Variants in TBC1D25 observed in about 807,000 individuals in gnomAD.
TBC1D25 encodes 5SN3 snoRNA.
TBC1D25 carries 13 observed loss-of-function variants against 38.8 expected under a neutral mutation model. The ratio of observed to expected loss-of-function variants is 0.34; its 90% confidence interval spans 0.22 to 0.53. TBC1D25 has a LOEUF of 0.53. Among genes scored for constraint, TBC1D25 ranks in the 20% least tolerant of loss-of-function variants. The pLI is 0.94. For missense variants in TBC1D25, 372 were observed against 600.0 expected (o/e 0.62, Z 3.97); for synonymous variants, 225 against 255.6 (o/e 0.88, Z 1.14).
intron 2 of TBC1D25, among the ~76,000 whole-genome samples, chrX:48,543,025 A>G (rs1356737894): frequency 9.0e-6 from 1 of 111,250 alleles, no homozygotes; most frequent in Admixed American, 9.7e-5. Context: ...TACTGTGCCT[A>G]ATTTATCAAT....
At chrX:48,559,431 G>A in intron 5 of TBC1D25, 85 bp downstream of exon 5, 1 of 1,106,842 alleles carries the variant, frequency 9.0e-7, no homozygotes, top group African/African-American at 1.8e-5. Flanking sequence ...CCACACTGCT[G>A]TGGGCAAGGG....
intron 1 of TBC1D25, 144 bp downstream of exon 1, chrX:48,540,064 G>A (rs1556979829): frequency 3.7e-6 from 3 of 814,388 alleles, no homozygotes; most frequent in Non-Finnish European, 4.7e-6. Context: ...TGATGGCGAG[G>A]GGTAGGGAGG....
chrX:48,552,792 A>G (rs1295955903), intron 3 of TBC1D25, among the ~76,000 whole-genome samples: 1 of 104,142 alleles, frequency 9.6e-6, no homozygotes, highest in East Asian at 3.0e-4. Context: ...TGCTTAGACA[A>G]CTTTTTTTTT....
At chrX:48,540,299 A>C (rs781848974) in intron 1 of TBC1D25, among the ~76,000 whole-genome samples, 38 of 111,887 alleles carry the variant, frequency 3.4e-4, no homozygotes, top group African/African-American at 1.2e-3. Flanking sequence ...CTTATGTGCA[A>C]GTTCCCACTT....
chrX:48,547,169 C>T (rs2061893131), intron 3 of TBC1D25, among the ~76,000 whole-genome samples: 1 of 112,056 alleles, frequency 8.9e-6, no homozygotes, highest in Non-Finnish European at 1.9e-5. Flanking sequence ...TGACAGGACT[C>T]GTCCCAGTTA....
At chrX:48,540,080 A>G (rs2061826701) in intron 1 of TBC1D25, 160 bp downstream of exon 1, 3 of 740,438 alleles carry the variant, frequency 4.1e-6, no homozygotes, top group Non-Finnish European at 5.2e-6. Flanking sequence ...GGAGGGCCTG[A>G]GAGCCTGAGA....
intron 3 of TBC1D25, among the ~76,000 whole-genome samples, chrX:48,550,807 T>C (rs1255651057): frequency 9.0e-6 from 1 of 110,616 alleles, no homozygotes; most frequent in Non-Finnish European, 1.9e-5. Flanking sequence ...CCACAGGCGC[T>C]CGCCACCACG....
At chrX:48,547,735 G>C (rs1351504194) in intron 3 of TBC1D25, among the ~76,000 whole-genome samples, 1 of 111,298 alleles carries the variant, frequency 9.0e-6, no homozygotes, top group Non-Finnish European at 1.9e-5. Context: ...TCAGGAGTTC[G>C]AGACCAGCCT....
At position 48,552,668 on chromosome X, in the gene TBC1D25, A is replaced by T. The variant is rs2061944703; in HGVS notation, c.389-6229A>T. On this transcript the variant is annotated intron_variant, in intron 3 of 5. Transcript: ENST00000376771. The stretch of plus-strand genomic sequence containing the variant: ...ACCCCGCCCCAACAGTGAAATCTTT[A>T]GGCCACTTTTTCTCCTTTAATCTCT... Among the ~76,000 whole-genome samples, 3 of 110,696 alleles carry T rather than the reference A, an allele frequency of 2.7e-5. No homozygotes were observed. In the South Asian group the frequency reaches 1.1e-3, roughly 41 times the overall value.
intron 3 of TBC1D25, among the ~76,000 whole-genome samples, chrX:48,555,241 T>C (rs1556984227): frequency 9.0e-6 from 1 of 111,213 alleles, no homozygotes; most frequent in Non-Finnish European, 1.9e-5. Flanking sequence ...AGAGTGGATC[T>C]TGGGCTCCTC....
chrX:48,556,764 A>C (rs1225610334), intron 3 of TBC1D25, among the ~76,000 whole-genome samples: 1 of 107,208 alleles, frequency 9.3e-6, no homozygotes, highest in African/African-American at 3.4e-5. Context: ...AAAAAAAAAA[A>C]AAAAGCCAGC....
intron 1 of TBC1D25, among the ~76,000 whole-genome samples, chrX:48,541,035 A>C (rs2061834602): frequency 1.8e-5 from 2 of 112,334 alleles, no homozygotes; most frequent in African/African-American, 6.5e-5. Flanking sequence ...AAGAGATTGA[A>C]GCAGGGGAGT....
chrX:48,556,420 C>T (rs2061975433), intron 3 of TBC1D25, among the ~76,000 whole-genome samples: 1 of 111,522 alleles, frequency 9.0e-6, no homozygotes, highest in African/African-American at 3.3e-5. Context: ...GCATCTCAAA[C>T]CAGAACAATT....
chrX:48,559,302 C>T lies in TBC1D25; in HGVS notation c.661C>T (p.Arg221Cys). The change falls in exon 5 of 6, where the codon CGC becomes TGC. Residue 221 changes from arginine (R) to cysteine (C), a missense_variant. Physicochemically the swap from Arg to Cys is radical, Grantham distance 180. Around this residue, in one of 2 missense-constraint regions of TBC1D25, gnomAD observed 312 missense variants for 549.3 expected, o/e 0.57. Coordinates refer to ENST00000376771, the MANE Select transcript of TBC1D25 (RefSeq NM_002536.4). ...CCAGCTCTCCCGACCCGAGGAGTTG[C>T]GCCTGCGGATCTATCATGGCGGTGT... ...EGQLSRPEEL[R>C]LRIYHGGVEP... 8.3e-7 allele frequency: 1 copy of T among 1,210,749 alleles called. No individual in the cohort carries two copies. The highest frequency in any genetic ancestry group is 1.1e-6 in the Non-Finnish European group (1 of 895,074).
intron 3 of TBC1D25, among the ~76,000 whole-genome samples, chrX:48,545,299 G>C (rs1291236048): frequency 8.9e-6 from 1 of 112,329 alleles, no homozygotes; most frequent in Non-Finnish European, 1.9e-5. Flanking sequence ...GGCTCAGAAA[G>C]TGTTATCTCT....
intron 3 of TBC1D25, among the ~76,000 whole-genome samples, chrX:48,550,107 C>T (rs1379948058): frequency 1.8e-5 from 2 of 110,521 alleles, no homozygotes; most frequent in Admixed American, 9.8e-5. Context: ...CTGACTCAGC[C>T]TCCCAAATAG....
chrX:48,540,834 G>A (rs782364565), intron 1 of TBC1D25, among the ~76,000 whole-genome samples: 8 of 112,235 alleles, frequency 7.1e-5, no homozygotes, highest in Admixed American at 3.8e-4. Context: ...TGAGCTGGGC[G>A]TGAACCACGT....
In TBC1D25 at chrX:48,541,381, C is replaced by G; in HGVS notation, c.172C>G (p.Pro58Ala). 1 of 1,211,895 alleles carries G rather than the reference C, an allele frequency of 8.3e-7. No homozygotes were observed. The highest frequency in any genetic ancestry group is 1.1e-6 in the Non-Finnish European group (1 of 895,557). Reference sequence around the variant, plus strand: ...AGAGTTCCGCTCTTTTGCTGTAGATCCCCAGATCACCTCGCTCGACGTGTT... The same window carrying G: ...AGAGTTCCGCTCTTTTGCTGTAGATGCCCAGATCACCTCGCTCGACGTGTT... The part of the protein sequence containing the change: ...PPEFRSFAVD[P>A]QITSLDVLQH... The change falls in exon 2 of 6, where the codon CCC becomes GCC. Residue 58 changes from proline (P) to alanine (A), a missense_variant. Pro to Ala is a conservative substitution (Grantham distance 27, BLOSUM62 -1). Coordinates refer to ENST00000376771, the MANE Select transcript of TBC1D25 (RefSeq NM_002536.4).
intron 3 of TBC1D25, among the ~76,000 whole-genome samples, chrX:48,553,246 T>C (rs1199763474): frequency 6.6e-5 from 6 of 90,682 alleles, no homozygotes; most frequent in African/African-American, 2.2e-4. Context: ...ATATGTAATA[T>C]ATATAATATA....
Sources: allele counts gnomAD v4.1 joint callset (sites outside exome capture counted in the v4.1 genomes callset), GRCh38; gene constraint gnomAD v4.1.1; regional missense constraint gnomAD v4.1.1; transcripts MANE v1.5; gene names NCBI Gene and HGNC (gene_info 2026-07-23, HGNC 2026-07-21).